Variants in ANKRD46 observed in about 807,000 individuals in gnomAD.
ANKRD46 encodes ankyrin repeat domain 46, also known as ankyrin repeat domain-containing protein 46.
Under a neutral mutation model 19.8 loss-of-function variants are expected in ANKRD46, and 13 were observed. The ratio of observed to expected loss-of-function variants is 0.66; its 90% CI spans 0.43 to 1.04. The LOEUF is 1.04. ANKRD46 is among the 50% of genes least tolerant of loss of function. The pLI is 0.00. For synonymous variants in ANKRD46, 91 were observed against 106.9 expected (o/e 0.85, Z 0.92); for missense variants, 185 against 274.8 (o/e 0.67, Z 2.31).
chr8:100,514,700 C>A (rs1357304941), intron 5 of ANKRD46, among the ~76,000 whole-genome samples: 1 of 135,576 alleles, frequency 7.4e-6, no homozygotes, highest in Non-Finnish European at 1.5e-5. Flanking sequence ...CGGCTTACTG[C>A]AACCTCCACC....
rs1811906709 is a variant in ANKRD46 at position 100,529,197 on chromosome 8, T to C, written c.311+326A>G. ...TGTGAGAGCTCTTCATTCTGAGGAC[T>C]AAATGAGCTAACAAGTAAACACAGT... is the stretch of plus-strand genomic sequence containing the variant. On this transcript the variant is annotated intron_variant, in intron 3 of 4. Transcript: ENST00000335659. This position sits in a 1 kb window ranked among gnomAD's most constrained non-coding sequence, Gnocchi z 5.8. Among the ~76,000 whole-genome samples, 1 of 152,234 alleles carries C rather than the reference T, an allele frequency of 6.6e-6. No homozygotes were observed.
chr8:100,548,732 T>C (rs2130699229), intron 1 of ANKRD46, among the ~76,000 whole-genome samples: 1 of 152,244 alleles, frequency 6.6e-6, no homozygotes, highest in African/African-American at 2.4e-5. Context: ...GTAATGACAA[T>C]GAAAATGAAG....
At chr8:100,542,866 A>G (rs1217794975) in intron 1 of ANKRD46, among the ~76,000 whole-genome samples, 1 of 152,138 alleles carries the variant, frequency 6.6e-6, no homozygotes, top group Non-Finnish European at 1.5e-5. Flanking sequence ...ACCAGTCCTG[A>G]TAACTCCTTC....
rs941514798 is a variant in ANKRD46, at chr8:100,544,884, G to C, written c.-130-11573C>G. The stretch of plus-strand genomic sequence containing the variant: ...GAGGCAACAATGGGAGCAACTCATA[G>C]AGTCTGGTGCTCTTCACAGAGTGAA... On this transcript the variant is annotated intron_variant, in intron 1 of 4. Coordinates refer to ENST00000335659, the MANE Select transcript of ANKRD46 (RefSeq NM_001270377.2). This position sits in a 1 kb window ranked among gnomAD's most constrained non-coding sequence, Gnocchi z 4.4. Among the ~76,000 whole-genome samples the C allele has an allele frequency of 6.6e-6, 1 of 152,176 alleles. No homozygotes were observed. The highest frequency in any genetic ancestry group is 1.5e-5 in the Non-Finnish European group (1 of 68,052).
chr8:100,518,608 T>C (rs1454015906), downstream of ANKRD46, among the ~76,000 whole-genome samples: 2 of 152,208 alleles, frequency 1.3e-5, no homozygotes, highest in Admixed American at 1.3e-4. Flanking sequence ...TCCCAGCACT[T>C]TGGGAGGCCG....
intron 1 of ANKRD46, among the ~76,000 whole-genome samples, chr8:100,542,284 T>C (rs1812189349): frequency 6.6e-6 from 1 of 152,128 alleles, no homozygotes; most frequent in African/African-American, 2.4e-5. Flanking sequence ...CCTACCTCAC[T>C]CACTCTGACC....
intron 4 of ANKRD46, among the ~76,000 whole-genome samples, chr8:100,526,908 C>A (rs549587155): frequency 4.6e-5 from 7 of 151,900 alleles, no homozygotes; most frequent in Non-Finnish European, 1.0e-4. Flanking sequence ...CTGATGTGGG[C>A]CCTTGCTTAT....
chr8:100,533,322 T>C lies in ANKRD46; in HGVS notation c.-130-11A>G, dbSNP rs1011026284. The C allele has an allele frequency of 3.9e-5, 6 of 152,202 alleles. No individual in the cohort carries two copies. Among genetic ancestry groups the C allele is most frequent in the African/African-American group, 1.4e-4 (6 of 41,460 alleles). 9.4% of individuals were successfully genotyped at this position (152,202 alleles called of 1,614,324 possible). On this transcript the variant is annotated splice_polypyrimidine_tract_variant and intron_variant, in intron 1 of 4. Transcript: ENST00000335659. Reference sequence around the variant, plus strand: ...TGTGCTGGCAAGGATCTACAGTAAATAGAAAATTAAGTTATAATAGAAGTG... The same window carrying C: ...TGTGCTGGCAAGGATCTACAGTAAACAGAAAATTAAGTTATAATAGAAGTG...
chr8:100,528,260 A>C lies in ANKRD46; in HGVS notation c.312-257T>G, dbSNP rs553825102. Among the ~76,000 whole-genome samples the C allele has an allele frequency of 5.8e-4, 88 of 152,312 alleles. 2 individuals are homozygous for C. The highest frequency in any genetic ancestry group is 7.6e-4 in the Non-Finnish European group (52 of 68,020). On this transcript the variant is annotated intron_variant, in intron 3 of 4. Coordinates refer to ENST00000335659, the MANE Select transcript of ANKRD46 (RefSeq NM_001270377.2). ...GGGATTTTTGCACAGTTCATCACAG[A>C]GGCCGTTATCCTGTTAACCAAACAC...
Position 100,532,469 on chromosome 8 carries a change from A to G in ANKRD46, c.-28+740T>C, listed in dbSNP as rs889146183. On this transcript the variant is annotated intron_variant, in intron 2 of 4. Coordinates refer to ENST00000335659, the MANE Select transcript of ANKRD46 (RefSeq NM_001270377.2). The surrounding 1 kb of genome is among the most constrained non-coding windows in gnomAD (Gnocchi z 4.7). ...GGGCATCAAAGTGAGGCCTGTCTCA[A>G]AAAAACAAACCAAACCAAACCAAAC... The G allele has an allele frequency of 2.0e-5, 3 of 152,166 alleles. No homozygotes were observed. The highest frequency in any genetic ancestry group is 7.2e-5 in the African/African-American group (3 of 41,418). 9.4% of individuals were successfully genotyped at this position (152,166 alleles called of 1,614,324 possible). A position where few individuals can be genotyped will look rare whatever the true frequency, so the allele number is the denominator to read the frequency against.
intron 5 of ANKRD46, among the ~76,000 whole-genome samples, chr8:100,512,640 A>G (rs547426333): frequency 3.3e-5 from 5 of 152,338 alleles, no homozygotes; most frequent in Admixed American, 3.3e-4. Flanking sequence ...CTTCCTAAAC[A>G]GAAAAAAATC....
chr8:100,555,006 C>T (rs1318394672), intron 1 of ANKRD46, among the ~76,000 whole-genome samples: 1 of 148,104 alleles, frequency 6.8e-6, no homozygotes, highest in Non-Finnish European at 1.5e-5. Flanking sequence ...TAGAGTGAGA[C>T]TCCATCTCCA....
chr8:100,539,761 GC>G (rs755657189), intron 1 of ANKRD46, among the ~76,000 whole-genome samples: 11 of 152,054 alleles, frequency 7.2e-5, no homozygotes, highest in Admixed American at 5.9e-4. Context: ...TTAAAGACAG[GC>G]CACTAGCCAG....
At position 100,525,930 on chromosome 8, in the gene ANKRD46, C is replaced by T. The variant is rs1811833100; in HGVS notation, c.470+1915G>A. ...TATCTATCTTTTTAATTGCAGCTAT[C>T]CTAGTGGGTGTGAAGTGGCATTTCA... On this transcript the variant is annotated intron_variant, in intron 4 of 4. Transcript: ENST00000335659. The surrounding 1 kb of genome is among the most constrained non-coding windows in gnomAD (Gnocchi z 4.4). Among the ~76,000 whole-genome samples the T allele has an allele frequency of 6.6e-6, 1 of 152,148 alleles. No individual in the cohort carries two copies. Among genetic ancestry groups the T allele is most frequent in the Non-Finnish European group, 1.5e-5 (1 of 68,028 alleles).
chr8:100,529,386 T>C lies in ANKRD46; in HGVS notation c.311+137A>G. On this transcript the variant is annotated intron_variant, in intron 3 of 4. Transcript: ENST00000335659. The surrounding 1 kb of genome is among the most constrained non-coding windows in gnomAD (Gnocchi z 5.8). ...CATTCCCTCACTTGCCTAACAGGATTACACTGTCTTCAATGCTTTCTGAAC... is the reference window on the plus strand; with the variant it reads ...CATTCCCTCACTTGCCTAACAGGATCACACTGTCTTCAATGCTTTCTGAAC... The C allele has an allele frequency of 2.1e-6, 2 of 936,260 alleles. No homozygotes were observed. Among genetic ancestry groups the C allele is most frequent in the Admixed American group, 2.9e-5 (1 of 34,434 alleles). The allele number at this position is 936,260 out of a possible 1,614,324, so 58.0% of individuals were successfully genotyped here. A position where few individuals can be genotyped will look rare whatever the true frequency, so the allele number is the denominator to read the frequency against.
At position 100,550,964 on chromosome 8, in the gene ANKRD46, G is replaced by T; in HGVS notation, c.-131+8747C>A. ...CACCTTTTTGATGTCATCATATTTGGCAGGTTTCTCCAGATGGCAGGTCAG... is the reference window on the plus strand; with the variant it reads ...CACCTTTTTGATGTCATCATATTTGTCAGGTTTCTCCAGATGGCAGGTCAG... On this transcript the variant is annotated intron_variant, in intron 1 of 4. Transcript: ENST00000335659. This position sits in a 1 kb window ranked among gnomAD's most constrained non-coding sequence, Gnocchi z 4.4. The T allele has an allele frequency of 1.7e-6, 1 of 584,354 alleles. No homozygotes were observed. The highest frequency in any genetic ancestry group is 3.2e-6 in the Non-Finnish European group (1 of 312,152). 36.2% of individuals were successfully genotyped at this position (584,354 alleles called of 1,614,324 possible).
rs1811729594 is a variant in ANKRD46 at position 100,521,826 on chromosome 8, G to C, written c.*729C>G. 6 of 984,940 alleles carry C rather than the reference G, an allele frequency of 6.1e-6. No individual in the cohort carries two copies. Among genetic ancestry groups the C allele is most frequent in the Non-Finnish European group, 6.0e-6 (5 of 829,688 alleles). 61.0% of individuals were successfully genotyped at this position (984,940 alleles called of 1,614,324 possible). On this transcript the variant is annotated 3_prime_UTR_variant, in exon 5 of 5. Transcript: ENST00000335659. ...GATGAACTGTTATCTTTGATGACTA[G>C]GATACTCGGGAAAATTGGAAAGTGA...
intron 1 of ANKRD46, among the ~76,000 whole-genome samples, chr8:100,542,138 G>A (rs1354323011): frequency 6.6e-6 from 1 of 152,134 alleles, no homozygotes; most frequent in East Asian, 1.9e-4. Context: ...AGGATCTAGT[G>A]GACTTCTTTA....
chr8:100,544,269 G>T lies in ANKRD46; in HGVS notation c.-130-10958C>A, dbSNP rs1812229673. On this transcript the variant is annotated intron_variant, in intron 1 of 4. Transcript: ENST00000335659. This position sits in a 1 kb window ranked among gnomAD's most constrained non-coding sequence, Gnocchi z 4.4. Reference sequence around the variant, plus strand: ...GATCACTTCCACTTCCACCAGGAAAGAAAATACCTTACTCATCCATGGGAC... The same window carrying T: ...GATCACTTCCACTTCCACCAGGAAATAAAATACCTTACTCATCCATGGGAC... 2.0e-5 allele frequency among the ~76,000 whole-genome samples: 3 copies of T among 152,252 alleles called. No homozygotes were observed. Among genetic ancestry groups the T allele is most frequent in the Admixed American group, 2.0e-4 (3 of 15,290 alleles).
Sources: allele counts gnomAD v4.1 joint callset (sites outside exome capture counted in the v4.1 genomes callset), GRCh38; gene constraint gnomAD v4.1.1; non-coding constraint Gnocchi (gnomAD v3.1); transcripts MANE v1.5; gene names NCBI Gene and HGNC (gene_info 2026-07-23, HGNC 2026-07-21).